FAM117B: variants seen among roughly 807,000 people sequenced by gnomAD.
The protein encoded by FAM117B is family with sequence similarity 117 member B.
FAM117B carries 22 observed loss-of-function variants against 52.8 expected under a neutral mutation model. That is an observed-to-expected ratio of 0.42 (90% CI 0.30 to 0.59). The LOEUF (loss-of-function observed/expected upper bound fraction) is 0.59. Among genes scored for constraint, FAM117B ranks in the 20% least tolerant of loss-of-function variants. The pLI, the probability that FAM117B is intolerant of heterozygous loss-of-function variation, is 0.22. For synonymous variants in FAM117B, 309 were observed against 324.1 expected, an observed-to-expected ratio of 0.95 and a Z score of 0.50; for missense variants, 678 against 802.6, an observed-to-expected ratio of 0.84 and a Z score of 1.88.
At chr2:202,759,112 C>T (rs1691843642) in intron 6 of FAM117B, 121 bp from the exon 7 acceptor site, 14 of 994,434 alleles carry the variant, frequency 1.4e-5, no homozygotes, top group Non-Finnish European at 1.8e-5. Context: ...CATTAATTAT[C>T]TCCTTGATTA....
intron 4 of FAM117B, among the ~76,000 whole-genome samples, chr2:202,732,520 C>G (rs1274740664): frequency 6.6e-6 from 1 of 152,010 alleles, no homozygotes; most frequent in Non-Finnish European, 1.5e-5. Flanking sequence ...ATGCCTGAAC[C>G]TTGAAAACAT....
intron 2 of FAM117B, among the ~76,000 whole-genome samples, chr2:202,709,226 G>A (rs1366209840): frequency 6.7e-6 from 1 of 150,140 alleles, no homozygotes; most frequent in African/African-American, 2.5e-5. Flanking sequence ...TTTCCAGACA[G>A]GGTTTCGCAC....
At chr2:202,694,617 C>A (rs1377962354) in intron 1 of FAM117B, among the ~76,000 whole-genome samples, 1 of 152,022 alleles carries the variant, frequency 6.6e-6, no homozygotes, top group East Asian at 1.9e-4. Context: ...TGTCTTATAA[C>A]TATTATATTG....
intron 1 of FAM117B, among the ~76,000 whole-genome samples, chr2:202,658,657 GTTTTACTC>G (rs899585500): frequency 2.0e-5 from 3 of 152,064 alleles, no homozygotes; most frequent in Non-Finnish European, 4.4e-5. Flanking sequence ...TGGGTTTATT[GTTTTACTC>G]TTTTAGCTCT....
intron 7 of FAM117B, among the ~76,000 whole-genome samples, chr2:202,760,064 C>G (rs548585928): frequency 4.6e-5 from 7 of 152,364 alleles, no homozygotes; most frequent in African/African-American, 1.7e-4. Flanking sequence ...ATCTACAACT[C>G]AGATTAGATA....
intron 1 of FAM117B, among the ~76,000 whole-genome samples, chr2:202,694,280 T>C (rs1690676562): frequency 7.0e-6 from 1 of 143,396 alleles, no homozygotes; most frequent in Non-Finnish European, 1.5e-5. Context: ...AACCTCCAAC[T>C]CTAGGATTCA....
At chr2:202,666,944 C>T (rs1213484069) in intron 1 of FAM117B, among the ~76,000 whole-genome samples, 1 of 151,610 alleles carries the variant, frequency 6.6e-6, no homozygotes, top group Non-Finnish European at 1.5e-5. Flanking sequence ...CACGCCCGGC[C>T]AGTATGTTTC....
chr2:202,680,840 C>G (rs909787804), intron 1 of FAM117B, among the ~76,000 whole-genome samples: 6 of 152,106 alleles, frequency 3.9e-5, no homozygotes, highest in Non-Finnish European at 7.4e-5. Flanking sequence ...GGTAGTTCTT[C>G]AGGTGGAAGG....
At chr2:202,684,982 C>A (rs754675909) in intron 1 of FAM117B, among the ~76,000 whole-genome samples, 3 of 151,068 alleles carry the variant, frequency 2.0e-5, no homozygotes, top group African/African-American at 4.9e-5. Flanking sequence ...ATGATTATCT[C>A]AAAAAAAATT....
At chr2:202,761,973 A>G (rs1691897605) in intron 7 of FAM117B, among the ~76,000 whole-genome samples, 1 of 152,162 alleles carries the variant, frequency 6.6e-6, no homozygotes. Flanking sequence ...AAGACAAATT[A>G]GCAGTCGTAA....
At chr2:202,732,737 C>T (rs1027634897) in intron 4 of FAM117B, among the ~76,000 whole-genome samples, 1 of 152,102 alleles carries the variant, frequency 6.6e-6, no homozygotes, top group Non-Finnish European at 1.5e-5. Context: ...AGGAGAATCA[C>T]CTGAACCTGG....
At chr2:202,761,108 G>A (rs1425644304) in intron 7 of FAM117B, among the ~76,000 whole-genome samples, 1 of 152,192 alleles carries the variant, frequency 6.6e-6, no homozygotes, top group Admixed American at 6.5e-5. Context: ...ATGTGCCCAG[G>A]CTGGTCTTGA....
Position 202,767,832 on chromosome 2 carries a change from G to A in FAM117B, c.*2068G>A, listed in dbSNP as rs1333545665. The stretch of plus-strand genomic sequence containing the variant: ...ATAAATCCGTCAGGTTTTAGATGGT[G>A]GGATTGATGAACTTTGGTACTTTCT... On this transcript the variant is annotated 3_prime_UTR_variant, in exon 8 of 8. Transcript: ENST00000392238. 1 of 152,162 alleles carries A rather than the reference G, an allele frequency of 6.6e-6. No homozygotes were observed. Among genetic ancestry groups the A allele is most frequent in the East Asian group, 1.9e-4 (1 of 5,194 alleles). 9.4% of individuals were successfully genotyped at this position (152,162 alleles called of 1,614,324 possible). A position where few individuals can be genotyped will look rare whatever the true frequency, so the allele number is the denominator to read the frequency against.
intron 1 of FAM117B, among the ~76,000 whole-genome samples, chr2:202,640,497 A>G (rs1689754928): frequency 6.6e-6 from 1 of 151,286 alleles, no homozygotes; most frequent in South Asian, 2.1e-4. Context: ...AGATAACCAG[A>G]ACTTATATTT....
At chr2:202,684,079 C>T (rs1219723459) in intron 1 of FAM117B, among the ~76,000 whole-genome samples, 1 of 152,112 alleles carries the variant, frequency 6.6e-6, no homozygotes, top group East Asian at 1.9e-4. Flanking sequence ...GTTGCTCTGG[C>T]TGGTCTCGAA....
rs755563575 is a variant in FAM117B at position 202,695,939 on chromosome 2, C to T, written c.660C>T (p.Ser220=). Reference sequence around the variant, plus strand: ...CCAGTATTATCCGACGCACTTCCTCCCTGGATACTCTTGCTGCACCGTATC... The same window carrying T: ...CCAGTATTATCCGACGCACTTCCTCTCTGGATACTCTTGCTGCACCGTATC... ...SPSSIIRRTS[S]LDTLAAPYLA... is the part of the protein sequence containing the mutation. Residue 220 remains serine (S), a synonymous_variant, in exon 2 of 8, where the codon TCC becomes TCT. Transcript: ENST00000392238. The T allele has an allele frequency of 1.2e-6, 2 of 1,614,040 alleles. No individual in the cohort carries two copies. The highest frequency in any genetic ancestry group is 1.7e-6 in the Non-Finnish European group (2 of 1,179,970).
At chr2:202,655,705 A>AGT (rs1406413237) in intron 1 of FAM117B, among the ~76,000 whole-genome samples, 3 of 52,034 alleles carry the variant, frequency 5.8e-5, no homozygotes, top group African/African-American at 1.1e-4. Flanking sequence ...GCGGGAAGAG[A>AGT]GTGAGAGAGA....
At position 202,635,174 on chromosome 2, in the gene FAM117B, GGA is replaced by G; in HGVS notation, c.-12_-11del. 1 of 1,269,310 alleles carries G rather than the reference GGA, an allele frequency of 7.9e-7. No individual in the cohort carries two copies. The highest frequency in any genetic ancestry group is 2.7e-5 in the South Asian group (1 of 37,722). The allele number at this position is 1,269,310 out of a possible 1,614,324, so 78.6% of individuals were successfully genotyped here. A position where few individuals can be genotyped will look rare whatever the true frequency, so the allele number is the denominator to read the frequency against. ...ACCCCCCGTCTCGCCCAGTCACCGGGGAGGGGGGGGACCATGTCCCAGCGGGT... is the reference window on the plus strand; with the variant it reads ...ACCCCCCGTCTCGCCCAGTCACCGGGGGGGGGGGACCATGTCCCAGCGGGT... On this transcript the variant is annotated 5_prime_UTR_variant, in exon 1 of 8. Coordinates refer to ENST00000392238, the MANE Select transcript of FAM117B (RefSeq NM_173511.4).
intron 1 of FAM117B, among the ~76,000 whole-genome samples, chr2:202,650,353 T>G (rs1268260298): frequency 6.6e-6 from 1 of 152,194 alleles, no homozygotes; most frequent in East Asian, 1.9e-4. Flanking sequence ...TAAATGCTGT[T>G]AAAATTTTCT....
Sources: allele counts gnomAD v4.1 joint callset (sites outside exome capture counted in the v4.1 genomes callset), GRCh38; gene constraint gnomAD v4.1.1; transcripts MANE v1.5; gene names NCBI Gene and HGNC (gene_info 2026-07-23, HGNC 2026-07-21).